The following CSMD1 variants were observed in gnomAD, a reference collection of about 807,000 sequenced individuals.
The protein encoded by CSMD1 is CUB and Sushi multiple domains 1.
A neutral mutation model predicts 417.5 loss-of-function variants in CSMD1; 213 were observed. That is an observed-to-expected ratio of 0.51 (90% CI 0.46 to 0.57). The LOEUF (loss-of-function observed/expected upper bound fraction) is 0.57, where lower values mean the gene tolerates loss of function less well. Among genes scored for constraint, CSMD1 ranks in the 20% least tolerant of loss-of-function variants. The probability of loss-of-function intolerance (pLI) is 0.00; values close to 1 mark genes in which losing one functional copy is unlikely to be tolerated. For synonymous variants in CSMD1, 2,862 were observed against 1,736.8 expected, an observed-to-expected ratio of 1.65 and a Z score of -16.11; for missense variants, 6,923 against 4,529.7, an observed-to-expected ratio of 1.53 and a Z score of -15.17.
At chr8:4,646,457 A>T (rs1803521566) in intron 1 of CSMD1, among the ~76,000 whole-genome samples, 1 of 152,164 alleles carries the variant, frequency 6.6e-6, no homozygotes, top group Admixed American at 6.5e-5. Flanking sequence ...TTCCCTAAGT[A>T]GTGCATTTAA....
chr8:3,870,591 T>C (rs1805415427), intron 5 of CSMD1, among the ~76,000 whole-genome samples: 1 of 152,202 alleles, frequency 6.6e-6, no homozygotes, highest in South Asian at 2.1e-4. Context: ...AGAGGATCTC[T>C]TTCCCCAAAC....
intron 25 of CSMD1, among the ~76,000 whole-genome samples, chr8:3,292,990 C>T (rs1157252130): frequency 2.6e-5 from 4 of 151,998 alleles, no homozygotes; most frequent in Non-Finnish European, 4.4e-5. Flanking sequence ...ATGTTTAGTG[C>T]TTCCTTCAGG....
At chr8:4,760,604 G>T (rs933002809) in intron 1 of CSMD1, among the ~76,000 whole-genome samples, 1 of 152,068 alleles carries the variant, frequency 6.6e-6, no homozygotes, top group Non-Finnish European at 1.5e-5. Flanking sequence ...TGAAAAAATA[G>T]AAAAATATAA....
intron 55 of CSMD1, 52 bp from the exon 56 acceptor site, chr8:2,974,676 T>C (rs1389774920): frequency 1.4e-6 from 2 of 1,405,178 alleles, no homozygotes; most frequent in Non-Finnish European, 1.9e-6. Flanking sequence ...TAAACCACTT[T>C]GTATTGGAAA....
At chr8:4,147,168 C>A (rs922599292) in intron 3 of CSMD1, among the ~76,000 whole-genome samples, 1 of 152,082 alleles carries the variant, frequency 6.6e-6, no homozygotes, top group Non-Finnish European at 1.5e-5. Context: ...CTCTCCCCCC[C>A]TGCCCCCACC....
chr8:4,646,037 G>C (rs953403132), intron 1 of CSMD1, among the ~76,000 whole-genome samples: 1 of 152,068 alleles, frequency 6.6e-6, no homozygotes, highest in African/African-American at 2.4e-5. Context: ...TCGATGTTTT[G>C]GAAATAAACG....
At chr8:4,351,028 C>T (rs1801063049) in intron 3 of CSMD1, among the ~76,000 whole-genome samples, 1 of 152,110 alleles carries the variant, frequency 6.6e-6, no homozygotes, top group Non-Finnish European at 1.5e-5. Context: ...TTGGCTACCT[C>T]TATCAAAGAA....
intron 4 of CSMD1, among the ~76,000 whole-genome samples, chr8:4,004,314 C>T (rs1378105422): frequency 1.3e-5 from 2 of 151,670 alleles, no homozygotes; most frequent in Non-Finnish European, 2.9e-5. Context: ...AATCATAGTA[C>T]GTGTAGAACT....
chr8:3,979,048 G>C (rs1458081566), intron 5 of CSMD1, among the ~76,000 whole-genome samples: 2 of 152,188 alleles, frequency 1.3e-5, no homozygotes, highest in African/African-American at 4.8e-5. Context: ...ACCACAAGAA[G>C]TTTCCTCCTT....
At chr8:3,742,135 C>G (rs1382452061) in intron 6 of CSMD1, among the ~76,000 whole-genome samples, 1 of 152,124 alleles carries the variant, frequency 6.6e-6, no homozygotes, top group African/African-American at 2.4e-5. Flanking sequence ...TTTGTCTATC[C>G]ACCTAGTCAC....
intron 3 of CSMD1, among the ~76,000 whole-genome samples, chr8:4,158,937 G>C (rs898665924): frequency 6.6e-6 from 1 of 152,068 alleles, no homozygotes; most frequent in Non-Finnish European, 1.5e-5. Context: ...TGTTTTTTGA[G>C]ACAGTTTCAC....
At chr8:4,938,148 C>T (rs1182722513) in intron 1 of CSMD1, among the ~76,000 whole-genome samples, 1 of 152,126 alleles carries the variant, frequency 6.6e-6, no homozygotes, top group Non-Finnish European at 1.5e-5. Flanking sequence ...GCACTGATGT[C>T]AGAACATAAT....
At chr8:3,604,729 A>G (rs893710644) in intron 8 of CSMD1, among the ~76,000 whole-genome samples, 3 of 152,172 alleles carry the variant, frequency 2.0e-5, no homozygotes, top group Non-Finnish European at 2.9e-5. Flanking sequence ...GAGAAACATT[A>G]TAACATCAGT....
rs1202564967 is a variant in CSMD1, at chr8:3,524,041, CCA to C, written c.1345-30317_1345-30316del. On this transcript the variant is annotated intron_variant, in intron 10 of 69. Coordinates refer to ENST00000635120, the MANE Select transcript of CSMD1 (RefSeq NM_033225.6). ...CGTGCACACACACACACATGCACAC[CCA>C]GAGACACGTGCACACACATGCACAC... is the stretch of plus-strand genomic sequence containing the variant. Among the ~76,000 whole-genome samples, 80 of 124,626 alleles carry C rather than the reference CCA, an allele frequency of 6.4e-4. 1 individual carries two copies. The highest frequency in any genetic ancestry group is 2.2e-3 in the African/African-American group (70 of 32,008). The allele number at this position is 124,626 out of a possible 152,430, so 81.8% of individuals were successfully genotyped here. A position where few individuals can be genotyped will look rare whatever the true frequency, so the allele number is the denominator to read the frequency against.
intron 52 of CSMD1, among the ~76,000 whole-genome samples, chr8:3,009,610 T>A (rs1808225626): frequency 2.6e-5 from 4 of 152,226 alleles, no homozygotes; most frequent in Admixed American, 2.6e-4. Context: ...GATCTCCATA[T>A]GCTAAAGAAA....
At chr8:4,379,277 A>C (rs1802949241) in intron 3 of CSMD1, among the ~76,000 whole-genome samples, 1 of 152,216 alleles carries the variant, frequency 6.6e-6, no homozygotes, top group Admixed American at 6.5e-5. Flanking sequence ...AGGTGACCAG[A>C]AATCTTCAAA....
chr8:4,472,555 G>C (rs938034003), intron 2 of CSMD1, among the ~76,000 whole-genome samples: 6 of 151,938 alleles, frequency 3.9e-5, no homozygotes, highest in East Asian at 1.9e-4. Context: ...ATATTCCAAA[G>C]AATAGCTATT....
At chr8:4,443,201 G>A (rs1465503198) in intron 2 of CSMD1, among the ~76,000 whole-genome samples, 2 of 152,138 alleles carry the variant, frequency 1.3e-5, no homozygotes, top group Non-Finnish European at 2.9e-5. Flanking sequence ...GAGTATACAA[G>A]AGGTGTTCAA....
intron 7 of CSMD1, among the ~76,000 whole-genome samples, chr8:3,628,524 C>T (rs1796605062): frequency 6.6e-6 from 1 of 152,144 alleles, no homozygotes; most frequent in Non-Finnish European, 1.5e-5. Flanking sequence ...TAATATGAAG[C>T]CCTTAGTGAT....
Sources: gnomAD v4.1 joint callset for allele counts (sites outside exome capture counted in the v4.1 genomes callset) on GRCh38, gnomAD v4.1.1 for gene constraint, MANE v1.5 for transcripts, NCBI Gene and HGNC (gene_info 2026-07-23, HGNC 2026-07-21) for gene names.